CHLSN: variants seen among roughly 807,000 people sequenced by gnomAD.
CHLSN encodes protein cholesin.
the CHLSN span, among the ~76,000 whole-genome samples, chr7:996,252 G>T: frequency 6.6e-5 from 10 of 152,162 alleles, 1 homozygote; most frequent in Admixed American, 3.3e-4. Flanking sequence ...GCTCTCACAG[G>T]GTGAGGCCGG....
the CHLSN span, among the ~76,000 whole-genome samples, chr7:1,020,042 C>T: frequency 2.6e-5 from 4 of 152,222 alleles, no homozygotes; most frequent in African/African-American, 9.6e-5. Context: ...GTGGCCGGCC[C>T]GTCCCCAGCC....
the CHLSN span, among the ~76,000 whole-genome samples, chr7:1,002,613 T>C: frequency 1.3e-4 from 11 of 86,264 alleles, no homozygotes; most frequent in East Asian, 7.9e-4. Context: ...GTGAGTGGAG[T>C]CCTGCGGGTG....
At chr7:1,027,942 C>G in the CHLSN span, among the ~76,000 whole-genome samples, 1 of 152,262 alleles carries the variant, frequency 6.6e-6, no homozygotes, top group Middle Eastern at 3.4e-3. Context: ...CGGGGCCGCT[C>G]GAGGGCTCGC....
At chr7:1,090,078 AC>A in the CHLSN span, among the ~76,000 whole-genome samples, 1 of 152,052 alleles carries the variant, frequency 6.6e-6, no homozygotes, top group African/African-American at 2.4e-5. Flanking sequence ...AAAAAAAAAA[AC>A]ATTCAAAACA....
At chr7:1,099,752 C>T in the CHLSN span, among the ~76,000 whole-genome samples, 9 of 152,334 alleles carry the variant, frequency 5.9e-5, no homozygotes, top group South Asian at 6.2e-4. Flanking sequence ...GACCTGTGCA[C>T]AGATGTGGCC....
chr7:985,035 G>A, the CHLSN span: 4 of 1,612,416 alleles, frequency 2.5e-6, no homozygotes, highest in South Asian at 4.4e-5. Flanking sequence ...TGGGCCGGGA[G>A]CCGGTGGCTG....
the CHLSN span, among the ~76,000 whole-genome samples, chr7:1,004,202 C>T: frequency 7.2e-5 from 11 of 152,126 alleles, no homozygotes; most frequent in Admixed American, 2.0e-4. Context: ...ACCCGGCCAG[C>T]GTGGGCCCCT....
At chr7:990,746 C>G in the CHLSN span, among the ~76,000 whole-genome samples, 2 of 152,232 alleles carry the variant, frequency 1.3e-5, no homozygotes, top group Middle Eastern at 6.8e-3. Flanking sequence ...ATTCTCCCCT[C>G]AGACATTTGA....
the CHLSN span, among the ~76,000 whole-genome samples, chr7:1,106,871 A>G: frequency 2.0e-5 from 3 of 152,312 alleles, no homozygotes; most frequent in East Asian, 5.8e-4. Flanking sequence ...GTGAACACAC[A>G]AAGAGGAAGC....
At chr7:1,093,624 C>T in the CHLSN span, 2 of 471,204 alleles carry the variant, frequency 4.2e-6, no homozygotes. Flanking sequence ...GTGCGAGCTG[C>T]CGTGTGGGTT....
At chr7:1,055,212 ACAG>A in the CHLSN span, 25 of 470,048 alleles carry the variant, frequency 5.3e-5, no homozygotes, top group African/African-American at 1.0e-4. Context: ...CCGGCTGTAA[ACAG>A]CAGGAGGGAG....
the CHLSN span, chr7:1,058,079 C>T: frequency 4.8e-5 from 37 of 767,166 alleles, no homozygotes; most frequent in South Asian, 2.0e-4. Context: ...AAGCTGCCGA[C>T]GCCACGCTGG....
chr7:1,016,991 AG>A, the CHLSN span, among the ~76,000 whole-genome samples: 5 of 146,748 alleles, frequency 3.4e-5, no homozygotes, highest in South Asian at 2.1e-4. Flanking sequence ...AGCGCACAGC[AG>A]CGCACAGGAG....
chr7:1,018,093 C>T, the CHLSN span, among the ~76,000 whole-genome samples: 1 of 152,216 alleles, frequency 6.6e-6, no homozygotes, highest in African/African-American at 2.4e-5. Flanking sequence ...CACGCATACA[C>T]ACGCGTGCAC....
chr7:1,009,924 G>C, the CHLSN span: 2 of 1,513,462 alleles, frequency 1.3e-6, no homozygotes, highest in Non-Finnish European at 1.8e-6. Flanking sequence ...GTCCGGGACA[G>C]AACCGCGTGG....
the CHLSN span, chr7:983,141 C>T: frequency 3.8e-6 from 5 of 1,307,492 alleles, no homozygotes; most frequent in East Asian, 5.9e-5. Context: ...CACGCCCTCC[C>T]GCGGAGGCCT....
chr7:1,088,912 C>T, the CHLSN span, among the ~76,000 whole-genome samples: 1 of 151,944 alleles, frequency 6.6e-6, no homozygotes, highest in African/African-American at 2.4e-5. The surrounding 1 kb of genome is among the most constrained non-coding windows in gnomAD (Gnocchi z 4.5). Context: ...CACCAGGTCC[C>T]GTATCTTCTC....
At chr7:1,133,417 T>G in the CHLSN span, among the ~76,000 whole-genome samples, 1 of 130,398 alleles carries the variant, frequency 7.7e-6, no homozygotes, top group African/African-American at 3.1e-5. Flanking sequence ...AAAAAAACTA[T>G]AATCCCTCTC....
chr7:1,099,805 C>T, the CHLSN span, among the ~76,000 whole-genome samples: 386 of 152,312 alleles, frequency 2.5e-3, 9 homozygotes, highest in Admixed American at 0.023. Context: ...GTGTGCTGTT[C>T]GCAGACACGT....
Sources: allele counts gnomAD v4.1 joint callset (sites outside exome capture counted in the v4.1 genomes callset), GRCh38; gene constraint gnomAD v4.1.1; non-coding constraint Gnocchi (gnomAD v3.1); transcripts MANE v1.5; gene names NCBI Gene and HGNC (gene_info 2026-07-23, HGNC 2026-07-21).